The following C4orf50 variants were observed in gnomAD, a reference collection of about 807,000 sequenced individuals.
C4orf50 encodes the protein chromosome 4 open reading frame 50.
C4orf50 carries 80 observed loss-of-function variants against 77.2 expected under a neutral mutation model. That is an observed-to-expected ratio of 1.04 (90% CI 0.87 to 1.25). The LOEUF (loss-of-function observed/expected upper bound fraction) is 1.25. Ranked by LOEUF, C4orf50 falls within the 50% of genes most tolerant of loss-of-function variation. C4orf50 has a pLI of 0.00. For missense variants in C4orf50, 1,257 were observed against 1,152.9 expected (o/e 1.09, Z -1.31); for synonymous variants, 532 against 465.3 (o/e 1.14, Z -1.84).
At chr4:5,947,975 G>T (rs1264715860) in intron 7 of C4orf50, among the ~76,000 whole-genome samples, 4 of 152,198 alleles carry the variant, frequency 2.6e-5, no homozygotes, top group African/African-American at 9.7e-5. Context: ...TTCCAGGAGG[G>T]TCTGTCCCCT....
chr4:5,927,069 G>A (rs1211887641), intron 7 of C4orf50, among the ~76,000 whole-genome samples: 1 of 152,198 alleles, frequency 6.6e-6, no homozygotes, highest in African/African-American at 2.4e-5. Context: ...GGGAAGATAG[G>A]GAGCAGATGC....
intron 7 of C4orf50, among the ~76,000 whole-genome samples, chr4:5,910,294 G>A (rs894148343): frequency 2.0e-5 from 3 of 152,238 alleles, no homozygotes; most frequent in Middle Eastern, 3.4e-3. Flanking sequence ...TGATTTTTAC[G>A]GAATGCAACC....
chr4:5,959,151 C>T (rs1001921683), exon 34 of C4orf50: 2 of 557,398 alleles, frequency 3.6e-6, no homozygotes, highest in Non-Finnish European at 6.4e-6. Flanking sequence ...ATTTCCTATG[C>T]TGCCTTGACA....
intron 26 of C4orf50, among the ~76,000 whole-genome samples, chr4:5,993,643 C>T (rs1721414008): frequency 6.6e-6 from 1 of 151,946 alleles, no homozygotes; most frequent in Non-Finnish European, 1.5e-5. Flanking sequence ...ATGGCAAAAC[C>T]CCATCTTTAC....
chr4:5,942,006 C>T (rs1718289831), intron 7 of C4orf50, among the ~76,000 whole-genome samples: 2 of 152,132 alleles, frequency 1.3e-5, no homozygotes, highest in Non-Finnish European at 1.5e-5. Flanking sequence ...TGGCTTTCAG[C>T]TCAATTGTGC....
At chr4:5,972,264 A>G (rs1156412488) in intron 31 of C4orf50, among the ~76,000 whole-genome samples, 1 of 151,922 alleles carries the variant, frequency 6.6e-6, no homozygotes, top group Non-Finnish European at 1.5e-5. Context: ...CGGCCTCCCA[A>G]AGTGCTGGGA....
chr4:5,998,114 T>C (rs774175011), intron 25 of C4orf50, among the ~76,000 whole-genome samples: 7 of 152,190 alleles, frequency 4.6e-5, no homozygotes, highest in Non-Finnish European at 7.3e-5. Context: ...TACTTACTGC[T>C]TGACAGCCCT....
chr4:5,971,010 G>T (rs1393866525), intron 31 of C4orf50, among the ~76,000 whole-genome samples: 1 of 152,200 alleles, frequency 6.6e-6, no homozygotes. Flanking sequence ...AAAGGCAGGG[G>T]CCAGAGAATG....
intron 7 of C4orf50, among the ~76,000 whole-genome samples, chr4:5,927,928 G>A (rs1717591286): frequency 2.0e-5 from 3 of 152,070 alleles, no homozygotes; most frequent in African/African-American, 7.2e-5. Flanking sequence ...TCCCTCCCCT[G>A]GGGTCCCAGA....
intron 32 of C4orf50, among the ~76,000 whole-genome samples, chr4:5,965,462 G>A (rs1719513844): frequency 6.6e-6 from 1 of 152,246 alleles, no homozygotes; most frequent in Non-Finnish European, 1.5e-5. Flanking sequence ...AGCTTCGTAA[G>A]TGCAGCAACA....
chr4:5,964,216 G>A (rs1231462051), intron 33 of C4orf50, among the ~76,000 whole-genome samples: 1 of 152,156 alleles, frequency 6.6e-6, no homozygotes, highest in Non-Finnish European at 1.5e-5. Context: ...AAAAGCTAAG[G>A]AGAGCTCTGA....
intron 7 of C4orf50, chr4:5,904,217 T>C (rs867217371): frequency 4.6e-5 from 7 of 152,258 alleles, no homozygotes; most frequent in Non-Finnish European, 1.0e-4. Flanking sequence ...GTCAGGCCCC[T>C]GGCCGCCAGT....
Position 5,958,279 on chromosome 4 carries a change from G to C in C4orf50, c.*1096C>G, listed in dbSNP as rs529014784. Reference sequence around the variant, plus strand: ...GTCGCCCACCTGATTCGGGGCACGAGTCTCTGTTCTCGGTGGAAGGAAGGG... The same window carrying C: ...GTCGCCCACCTGATTCGGGGCACGACTCTCTGTTCTCGGTGGAAGGAAGGG... On this transcript the variant is annotated 3_prime_UTR_variant, in exon 34 of 34. Transcript: ENST00000531445. This position sits in a 1 kb window ranked among gnomAD's most constrained non-coding sequence, Gnocchi z 5.4. 6.6e-6 allele frequency: 1 copy of C among 152,248 alleles called. No homozygotes were observed. Among genetic ancestry groups the C allele is most frequent in the South Asian group, 2.1e-4 (1 of 4,808 alleles). The allele number at this position is 152,248 out of a possible 1,614,324, so 9.4% of individuals were successfully genotyped here. A position where few individuals can be genotyped will look rare whatever the true frequency, so the allele number is the denominator to read the frequency against.
chr4:5,959,470 T>C, exon 34 of C4orf50: 1 of 1,614,198 alleles, frequency 6.2e-7, no homozygotes, highest in Non-Finnish European at 8.5e-7. Context: ...CTTGCTGGGC[T>C]CAGGAGCTCA....
At chr4:5,985,161 G>T (rs763313227) in intron 28 of C4orf50, among the ~76,000 whole-genome samples, 34 of 151,640 alleles carry the variant, frequency 2.2e-4, no homozygotes, top group Non-Finnish European at 4.1e-4. Context: ...TTTAATGAAG[G>T]TTAAAAAATT....
intron 7 of C4orf50, among the ~76,000 whole-genome samples, chr4:5,926,313 C>T (rs1001941761): frequency 3.3e-5 from 5 of 152,046 alleles, no homozygotes; most frequent in East Asian, 1.9e-4. Context: ...GAAAATGGGA[C>T]GCTAGGTGAA....
chr4:5,928,646 T>C (rs536799292), intron 7 of C4orf50, among the ~76,000 whole-genome samples: 1 of 152,192 alleles, frequency 6.6e-6, no homozygotes. Context: ...AACATCTCCC[T>C]GGGGCCAGAA....
intron 33 of C4orf50, among the ~76,000 whole-genome samples, chr4:5,961,574 A>G (rs1281104928): frequency 2.0e-5 from 3 of 152,236 alleles, no homozygotes; most frequent in Non-Finnish European, 2.9e-5. Context: ...AGAGAGGTGA[A>G]GTGCTGTGCC....
chr4:5,997,160 G>C (rs920475572), intron 25 of C4orf50, among the ~76,000 whole-genome samples: 2 of 152,176 alleles, frequency 1.3e-5, no homozygotes, highest in East Asian at 3.9e-4. Context: ...GGAGAGGCTG[G>C]GTAGGCAGCG....
Sources: gnomAD v4.1 joint callset for allele counts (sites outside exome capture counted in the v4.1 genomes callset) on GRCh38, gnomAD v4.1.1 for gene constraint, Gnocchi (gnomAD v3.1) non-coding constraint, MANE v1.5 for transcripts, NCBI Gene and HGNC (gene_info 2026-07-23, HGNC 2026-07-21) for gene names.